SMAD1: variants seen among roughly 807,000 people sequenced by gnomAD.
SMAD1 encodes MAD, mothers against decapentaplegic homolog 1.
A neutral mutation model predicts 41.6 loss-of-function variants in SMAD1; 6 were observed. The observed-to-expected ratio is 0.14, with a 90% CI of 0.08 to 0.28. SMAD1 has a LOEUF of 0.28. Among genes scored for constraint, SMAD1 ranks in the 10% least tolerant of loss-of-function variants. The pLI, the probability that SMAD1 is intolerant of heterozygous loss-of-function variation, is 1.00. For synonymous variants in SMAD1, 206 were observed against 203.2 expected, an observed-to-expected ratio of 1.01 and a Z score of -0.12; for missense variants, 379 against 582.6, an observed-to-expected ratio of 0.65 and a Z score of 3.60.
chr4:145,494,318 A>T (rs956734764), intron 1 of SMAD1, among the ~76,000 whole-genome samples: 2 of 152,154 alleles, frequency 1.3e-5, no homozygotes, highest in African/African-American at 4.8e-5. Context: ...GCTTATGTTC[A>T]TAGTGTATCT....
chr4:145,518,551 C>T (rs1730551377), intron 2 of SMAD1, among the ~76,000 whole-genome samples: 1 of 124,340 alleles, frequency 8.0e-6, no homozygotes, highest in African/African-American at 2.6e-5. Context: ...AATTGAAGCC[C>T]TCTATAAAGC....
At chr4:145,508,078 A>G (rs1325952429) in intron 1 of SMAD1, among the ~76,000 whole-genome samples, 2 of 133,702 alleles carry the variant, frequency 1.5e-5, no homozygotes, top group Non-Finnish European at 3.4e-5. Context: ...CCCTTGGTTT[A>G]GATTTTTTTT....
intron 1 of SMAD1, among the ~76,000 whole-genome samples, chr4:145,493,405 C>T (rs1728882842): frequency 6.6e-6 from 1 of 152,220 alleles, no homozygotes; most frequent in Admixed American, 6.5e-5. Flanking sequence ...TGCAGTCCAA[C>T]ATATTTAATA....
intron 2 of SMAD1, among the ~76,000 whole-genome samples, chr4:145,521,630 A>G (rs1272001860): frequency 6.6e-6 from 1 of 152,158 alleles, no homozygotes; most frequent in East Asian, 1.9e-4. Context: ...AATTATAGAA[A>G]TAGAGGACAG....
Position 145,514,549 on chromosome 4 carries a change from G to A in SMAD1, c.-65G>A. ...TGTAAATAAACAAATCTCTTCTGCT[G>A]TCCTTTTGCATTTGGAGACAGCTTT... On this transcript the variant is annotated 5_prime_UTR_variant, in exon 2 of 7. Transcript: ENST00000302085. The surrounding 1 kb of genome is among the most constrained non-coding windows in gnomAD (Gnocchi z 4.7). 2.1e-6 allele frequency: 3 copies of A among 1,417,800 alleles called. No individual in the cohort carries two copies. Among genetic ancestry groups the A allele is most frequent in the Non-Finnish European group, 2.9e-6 (3 of 1,045,782 alleles). 87.8% of individuals were successfully genotyped at this position (1,417,800 alleles called of 1,614,324 possible).
intron 1 of SMAD1, among the ~76,000 whole-genome samples, chr4:145,495,432 T>C (rs1004505507): frequency 6.6e-6 from 1 of 152,154 alleles, no homozygotes; most frequent in Non-Finnish European, 1.5e-5. Flanking sequence ...GAAATTAATA[T>C]CTTAGCATCT....
At chr4:145,524,406 T>G (rs1222424458) in intron 2 of SMAD1, among the ~76,000 whole-genome samples, 1 of 152,188 alleles carries the variant, frequency 6.6e-6, no homozygotes, top group Non-Finnish European at 1.5e-5. Flanking sequence ...TAGATACTGT[T>G]TCAGCCATTA....
chr4:145,539,990 C>T lies in SMAD1; in HGVS notation c.587C>T (p.Pro196Leu), dbSNP rs1164715949. Residue 196 changes from proline (P) to leucine (L), a missense_variant, in exon 3 of 7, where the codon CCT (proline) becomes CTT (leucine). By Grantham distance (98) the Pro-to-Leu change is moderately conservative. Around this residue, in one of 3 missense-constraint regions of SMAD1, gnomAD observed 208 missense variants for 210.5 expected, o/e 0.99. Transcript: ENST00000302085. ...CCCAATAGCAGTTACCCAAACTCTCCTGGGAGCAGCAGCAGCACCTACCCT... is the reference window on the plus strand; with the variant it reads ...CCCAATAGCAGTTACCCAAACTCTCTTGGGAGCAGCAGCAGCACCTACCCT... ...HSPNSSYPNSPGSSSSTYPHS... is the reference protein window; with the variant it reads ...HSPNSSYPNSLGSSSSTYPHS... 1.2e-6 allele frequency: 2 copies of T among 1,614,104 alleles called. No homozygotes were observed. Among genetic ancestry groups the T allele is most frequent in the Non-Finnish European group, 1.7e-6 (2 of 1,179,990 alleles).
intron 1 of SMAD1, among the ~76,000 whole-genome samples, chr4:145,492,661 G>A (rs1370094546): frequency 6.6e-6 from 1 of 152,134 alleles, no homozygotes; most frequent in African/African-American, 2.4e-5. Flanking sequence ...TCAGCCCCTT[G>A]CCCCCTCCCT....
At chr4:145,549,025 T>C (rs1732408428) in intron 5 of SMAD1, among the ~76,000 whole-genome samples, 1 of 151,890 alleles carries the variant, frequency 6.6e-6, no homozygotes, top group Non-Finnish European at 1.5e-5. Flanking sequence ...TGAGGAAATA[T>C]CAGACAGACT....
At chr4:145,529,091 A>G (rs1731186124) in intron 2 of SMAD1, among the ~76,000 whole-genome samples, 1 of 152,242 alleles carries the variant, frequency 6.6e-6, no homozygotes, top group South Asian at 2.1e-4. Flanking sequence ...TTTTATTATT[A>G]AAAGTGAGGT....
Position 145,539,977 on chromosome 4 carries a change from T to C in SMAD1, c.574T>C (p.Tyr192His). 6 of 1,614,074 alleles carry C rather than the reference T, an allele frequency of 3.7e-6. No homozygotes were observed. The highest frequency in any genetic ancestry group is 5.1e-6 in the Non-Finnish European group (6 of 1,179,998). The change falls in exon 3 of 7, where the codon TAC becomes CAC. Residue 192 changes from tyrosine (Y) to histidine (H), a missense_variant. Physicochemically the swap from Tyr to His is moderately conservative, Grantham distance 83 (BLOSUM62 2). Around this residue, in one of 3 missense-constraint regions of SMAD1, gnomAD observed 208 missense variants for 210.5 expected, o/e 0.99. Transcript: ENST00000302085. Reference sequence around the variant, plus strand: ...GTTTCCTCACTCTCCCAATAGCAGTTACCCAAACTCTCCTGGGAGCAGCAG... The same window carrying C: ...GTTTCCTCACTCTCCCAATAGCAGTCACCCAAACTCTCCTGGGAGCAGCAG... ...HPFPHSPNSSYPNSPGSSSST... is the reference protein window; with the variant it reads ...HPFPHSPNSSHPNSPGSSSST...
chr4:145,488,894 T>C (rs979834794), intron 1 of SMAD1, among the ~76,000 whole-genome samples: 2 of 152,164 alleles, frequency 1.3e-5, no homozygotes, highest in African/African-American at 4.8e-5. Context: ...AGGAGTAAAT[T>C]GTACAGACAA....
intron 5 of SMAD1, among the ~76,000 whole-genome samples, chr4:145,549,331 AT>A (rs1387018335): frequency 6.6e-6 from 1 of 152,230 alleles, no homozygotes; most frequent in African/African-American, 2.4e-5. Context: ...ATAAGAGACT[AT>A]CCCTATTCTT....
intron 1 of SMAD1, among the ~76,000 whole-genome samples, chr4:145,508,234 C>T (rs1729894953): frequency 6.6e-6 from 1 of 152,034 alleles, no homozygotes; most frequent in African/African-American, 2.4e-5. Context: ...AGTCTTGCCC[C>T]TTCCTTCATA....
At chr4:145,508,690 G>A (rs1005903104) in intron 1 of SMAD1, among the ~76,000 whole-genome samples, 9 of 151,980 alleles carry the variant, frequency 5.9e-5, no homozygotes, top group African/African-American at 2.2e-4. Flanking sequence ...ATATATTATT[G>A]TCTTAGTTTG....
At chr4:145,541,754 G>C (rs572318038) in intron 3 of SMAD1, among the ~76,000 whole-genome samples, 2 of 152,262 alleles carry the variant, frequency 1.3e-5, no homozygotes, top group South Asian at 2.1e-4. Flanking sequence ...GATTCCCTCA[G>C]GTAAAATTTT....
chr4:145,493,844 G>T (rs1267807241), intron 1 of SMAD1, among the ~76,000 whole-genome samples: 1 of 152,232 alleles, frequency 6.6e-6, no homozygotes, highest in Non-Finnish European at 1.5e-5. Flanking sequence ...AATCTAATTG[G>T]TAAGAGGAGA....
chr4:145,524,183 A>T (rs1315509988), intron 2 of SMAD1, among the ~76,000 whole-genome samples: 1 of 152,202 alleles, frequency 6.6e-6, no homozygotes, highest in Non-Finnish European at 1.5e-5. Context: ...GCATTGGCTT[A>T]TGGTTGATAA....
Sources: allele counts gnomAD v4.1 joint callset (sites outside exome capture counted in the v4.1 genomes callset), GRCh38; gene constraint gnomAD v4.1.1; regional missense constraint gnomAD v4.1.1; non-coding constraint Gnocchi (gnomAD v3.1); transcripts MANE v1.5; gene names NCBI Gene and HGNC (gene_info 2026-07-23, HGNC 2026-07-21).